ADAM10: variants seen among roughly 807,000 people sequenced by gnomAD.
The protein encoded by ADAM10 is disintegrin and metalloproteinase domain-containing protein 10.
Under a neutral mutation model 90.1 loss-of-function variants are expected in ADAM10, and 17 were observed. That is an observed-to-expected ratio of 0.19 (90% CI 0.13 to 0.28). The LOEUF (loss-of-function observed/expected upper bound fraction) is 0.28, where lower values mean the gene tolerates loss of function less well. Ranked by LOEUF, ADAM10 falls within the 10% of genes least tolerant of loss-of-function variation. ADAM10 has a pLI of 1.00. For synonymous variants in ADAM10, 310 were observed against 298.6 expected, an observed-to-expected ratio of 1.04 and a Z score of -0.40; for missense variants, 610 against 914.3, an observed-to-expected ratio of 0.67 and a Z score of 4.29.
intron 3 of ADAM10, among the ~76,000 whole-genome samples, 163 bp from the exon 4 acceptor site, chr15:58,679,445 C>A (rs150889037): frequency 1.3e-5 from 2 of 151,938 alleles, no homozygotes; most frequent in African/African-American, 4.8e-5. Flanking sequence ...GAAATTTTCA[C>A]ATAAAATATA....
At chr15:58,748,821 G>C in intron 1 of ADAM10, 1 of 397,814 alleles carries the variant, frequency 2.5e-6, no homozygotes, top group Non-Finnish European at 4.4e-6. Context: ...TCCAAACACA[G>C]GACACAGGAA....
chr15:58,747,432 C>G (rs1899828037), intron 1 of ADAM10: 1 of 152,202 alleles, frequency 6.6e-6, no homozygotes, highest in Non-Finnish European at 1.5e-5. Flanking sequence ...AACTTCTAAT[C>G]TACACAAATT....
At chr15:58,649,369 T>A (rs1896628623) in intron 5 of ADAM10, among the ~76,000 whole-genome samples, 1 of 152,278 alleles carries the variant, frequency 6.6e-6, no homozygotes, top group East Asian at 1.9e-4. Context: ...TATACCACCC[T>A]ACAAGTCTTT....
rs1595678827 is a variant in ADAM10 at position 58,749,630 on chromosome 15, C to G, written c.-96G>C. The G allele has an allele frequency of 6.5e-7, 1 of 1,534,882 alleles. No homozygotes were observed. Among genetic ancestry groups the G allele is most frequent in the South Asian group, 1.2e-5 (1 of 82,968 alleles). ...GCTGAAGGGGCTTGGTCCGGAGCCTCCACGGGAAGCCGGGACCTCCCCTGG... is the reference window on the plus strand; with the variant it reads ...GCTGAAGGGGCTTGGTCCGGAGCCTGCACGGGAAGCCGGGACCTCCCCTGG... On this transcript the variant is annotated 5_prime_UTR_variant, in exon 1 of 16. Coordinates refer to ENST00000260408, the MANE Select transcript of ADAM10 (RefSeq NM_001110.4).
In ADAM10 at chr15:58,612,083, T is replaced by C. The variant is rs1595989542; in HGVS notation, c.1512-92A>G. ...TAGATTAGATCCACATTATTAGACA[T>C]AGTACCAATTTTTAAATCCTAAGTC... On this transcript the variant is annotated intron_variant, in intron 11 of 15. Coordinates refer to ENST00000260408, the MANE Select transcript of ADAM10 (RefSeq NM_001110.4). 7 of 1,245,640 alleles carry C rather than the reference T, an allele frequency of 5.6e-6. No homozygotes were observed. The Admixed American group carries it at 5.8e-5, about 10-fold the overall frequency. The allele number at this position is 1,245,640 out of a possible 1,614,324, so 77.2% of individuals were successfully genotyped here. A position where few individuals can be genotyped will look rare whatever the true frequency, so the allele number is the denominator to read the frequency against.
At chr15:58,728,336 G>C (rs967222640) in intron 1 of ADAM10, among the ~76,000 whole-genome samples, 1 of 152,170 alleles carries the variant, frequency 6.6e-6, no homozygotes. Context: ...TATGGAGGTA[G>C]TTATACAAGT....
At chr15:58,672,575 G>A (rs1207154243) in intron 4 of ADAM10, 2 of 152,172 alleles carry the variant, frequency 1.3e-5, no homozygotes, top group East Asian at 3.9e-4. Flanking sequence ...GTACCCAAGA[G>A]GGCTCCTTCA....
intron 1 of ADAM10, among the ~76,000 whole-genome samples, chr15:58,724,092 G>A (rs977602586): frequency 6.6e-6 from 1 of 151,540 alleles, no homozygotes; most frequent in Non-Finnish European, 1.5e-5. Context: ...CAGGAGAATT[G>A]CTTGAACCCG....
At chr15:58,705,188 T>A (rs979218961) in intron 2 of ADAM10, among the ~76,000 whole-genome samples, 1 of 152,228 alleles carries the variant, frequency 6.6e-6, no homozygotes, top group South Asian at 2.1e-4. Flanking sequence ...TAGTTTTTAT[T>A]ATTTTATAAT....
chr15:58,590,338 A>C lies in ADAM10; in HGVS notation c.*7209T>G, dbSNP rs1302823882. On this transcript the variant is annotated 3_prime_UTR_variant, in exon 16 of 16. Transcript: ENST00000260408. ...CACATGATTATCTGATATCTATCTCACCTACAAGACCATACGCTTCACCAG... is the reference window on the plus strand; with the variant it reads ...CACATGATTATCTGATATCTATCTCCCCTACAAGACCATACGCTTCACCAG... 1 of 152,170 alleles carries C rather than the reference A, an allele frequency of 6.6e-6. No homozygotes were observed. Among genetic ancestry groups the C allele is most frequent in the African/African-American group, 2.4e-5 (1 of 41,430 alleles). The allele number at this position is 152,170 out of a possible 1,614,324, so 9.4% of individuals were successfully genotyped here.
intron 8 of ADAM10, 141 bp downstream of exon 8, chr15:58,640,636 G>A: frequency 3.9e-6 from 3 of 774,862 alleles, no homozygotes; most frequent in Non-Finnish European, 6.2e-6. Context: ...TTATGCTTAT[G>A]AGTCTTGCCT....
At chr15:58,665,270 T>A in intron 4 of ADAM10, 73 bp from the exon 5 acceptor site, 2 of 1,204,102 alleles carry the variant, frequency 1.7e-6, no homozygotes, top group Admixed American at 1.7e-5. Flanking sequence ...GAATTACAAG[T>A]AAAAATTTAA....
chr15:58,655,667 TAC>T (rs1209158459), intron 5 of ADAM10, among the ~76,000 whole-genome samples: 60 of 119,174 alleles, frequency 5.0e-4, no homozygotes, highest in East Asian at 1.8e-3. Flanking sequence ...CATACATACA[TAC>T]ATACATACAT....
chr15:58,685,317 CG>C (rs1339675995), intron 2 of ADAM10, among the ~76,000 whole-genome samples: 1 of 150,844 alleles, frequency 6.6e-6, no homozygotes, highest in East Asian at 1.9e-4. Flanking sequence ...AAAAATTAGC[CG>C]GGCGTGGTGA....
At chr15:58,643,019 G>C (rs370750197) in intron 7 of ADAM10, among the ~76,000 whole-genome samples, 2 of 152,154 alleles carry the variant, frequency 1.3e-5, no homozygotes, top group South Asian at 2.1e-4. Context: ...AAATAGGAAA[G>C]CATAAATATT....
intron 1 of ADAM10, among the ~76,000 whole-genome samples, chr15:58,718,610 A>G (rs1898741464): frequency 6.6e-6 from 1 of 152,192 alleles, no homozygotes; most frequent in Admixed American, 6.5e-5. Flanking sequence ...CCAATGCTCC[A>G]TGAACTGAGT....
At chr15:58,667,690 T>C (rs1163878460) in intron 4 of ADAM10, among the ~76,000 whole-genome samples, 1 of 152,012 alleles carries the variant, frequency 6.6e-6, no homozygotes, top group Non-Finnish European at 1.5e-5. Flanking sequence ...TCCATGAAAA[T>C]CGTCATTTAT....
At chr15:58,724,994 G>A (rs946512773) in intron 1 of ADAM10, among the ~76,000 whole-genome samples, 11 of 151,070 alleles carry the variant, frequency 7.3e-5, no homozygotes, top group Admixed American at 6.6e-4. Flanking sequence ...AGTTCAAGAC[G>A]AGCCTGGGCA....
At chr15:58,730,252 T>C (rs1258361098) in intron 1 of ADAM10, among the ~76,000 whole-genome samples, 1 of 152,184 alleles carries the variant, frequency 6.6e-6, no homozygotes, top group Middle Eastern at 3.2e-3. Flanking sequence ...CCTCAACTGA[T>C]GTCTCAGGCA....
Sources: allele counts gnomAD v4.1 joint callset (sites outside exome capture counted in the v4.1 genomes callset), GRCh38; gene constraint gnomAD v4.1.1; transcripts MANE v1.5; gene names NCBI Gene and HGNC (gene_info 2026-07-23, HGNC 2026-07-21).